SEC14L3: variants seen among roughly 807,000 people sequenced by gnomAD.
The protein encoded by SEC14L3 is SEC14-like protein 3.
A neutral mutation model predicts 57.4 loss-of-function variants in SEC14L3; 56 were observed. That is an observed-to-expected ratio of 0.97 (90% confidence interval 0.79 to 1.22). The LOEUF is 1.22. Ranked by LOEUF, SEC14L3 falls within the 50% of genes most tolerant of loss-of-function variation. The pLI, the probability that SEC14L3 is intolerant of heterozygous loss-of-function variation, is 0.00. For synonymous variants in SEC14L3, 173 were observed against 194.4 expected, an observed-to-expected ratio of 0.89 and a Z score of 0.92; for missense variants, 485 against 511.7, an observed-to-expected ratio of 0.95 and a Z score of 0.50.
chr22:30,461,671 G>T lies in SEC14L3; in HGVS notation c.795C>A (p.Pro265=). 1 of 1,607,674 alleles carries T rather than the reference G, an allele frequency of 6.2e-7. No homozygotes were observed. Among genetic ancestry groups the T allele is most frequent in the East Asian group, 2.2e-5 (1 of 44,716 alleles). The change falls in exon 10 of 12, where the codon CCC becomes CCA. Residue 265 remains proline, a synonymous_variant. Transcript: ENST00000215812. ...LTKINYGGEI[P]KSMYVRDQVK... ...CCTGGTCCCGCACGTACATGGACTT[G>T]GGGATCTCCCCGCCATAGTTAATCT... is the stretch of plus-strand genomic sequence containing the variant.
In SEC14L3 at chr22:30,466,371, A is replaced by G; in HGVS notation, c.543T>C (p.Asn181=). ...YQEFFGLLEE[N]YPETLKFMLI... is the part of the protein sequence containing the mutation. The stretch of plus-strand genomic sequence containing the variant: ...GCATGAACTTCAGGGTCTCTGGGTA[A>G]TTCTCTTCAAGGAGGCCAAAGAACT... Residue 181 remains asparagine (N), a synonymous_variant, in exon 7 of 12, where the codon AAT becomes AAC. Coordinates refer to ENST00000215812, the MANE Select transcript of SEC14L3 (RefSeq NM_174975.5). 1 of 1,614,118 alleles carries G rather than the reference A, an allele frequency of 6.2e-7. No homozygotes were observed. The highest frequency in any genetic ancestry group is 8.5e-7 in the Non-Finnish European group (1 of 1,179,992).
chr22:30,464,771 C>T, intron 8 of SEC14L3, 49 bp downstream of exon 8: 1 of 1,577,968 alleles, frequency 6.3e-7, no homozygotes, highest in Non-Finnish European at 8.7e-7. Context: ...GACAACCTCA[C>T]TCCAAAGGTC....
chr22:30,454,673 T>A (rs189533840), downstream of SEC14L3, among the ~76,000 whole-genome samples: 1,019 of 102,262 alleles, frequency 1.0e-2, 30 homozygotes, highest in East Asian at 0.062. Context: ...TAATCTATAA[T>A]ATTATTATAT....
downstream of SEC14L3, among the ~76,000 whole-genome samples, chr22:30,458,149 C>T (rs550206158): frequency 4.6e-5 from 7 of 152,286 alleles, no homozygotes; most frequent in South Asian, 8.3e-4. Context: ...GGGTGTGATC[C>T]GGCTCCCCTG....
intron 11 of SEC14L3, 31 bp from the exon 12 acceptor site, chr22:30,460,173 G>T: frequency 6.2e-7 from 1 of 1,611,196 alleles, no homozygotes; most frequent in Non-Finnish European, 8.5e-7. Flanking sequence ...GGGGCATTGG[G>T]CTTGGCTTTA....
chr22:30,449,806 C>T (rs1467532951), intron 12 of SEC14L3, among the ~76,000 whole-genome samples: 3 of 152,280 alleles, frequency 2.0e-5, no homozygotes, highest in East Asian at 3.9e-4. Flanking sequence ...CTCAGGTGAT[C>T]CACCTGCCTT....
At chr22:30,466,199 G>A in intron 7 of SEC14L3, 135 bp downstream of exon 7, 2 of 733,984 alleles carry the variant, frequency 2.7e-6, no homozygotes, top group Non-Finnish European at 4.7e-6. Flanking sequence ...TCTATGCCAG[G>A]CATTCTAAGT....
At chr22:30,453,075 G>T (rs766880984) in intron 12 of SEC14L3, among the ~76,000 whole-genome samples, 8 of 151,960 alleles carry the variant, frequency 5.3e-5, no homozygotes, top group Non-Finnish European at 8.8e-5. Flanking sequence ...TAGCACACTG[G>T]GCAGTGAGCC....
downstream of SEC14L3, among the ~76,000 whole-genome samples, chr22:30,454,629 T>TA (rs1935054927): frequency 9.8e-6 from 1 of 101,788 alleles, no homozygotes; most frequent in Non-Finnish European, 1.9e-5. Context: ...TAATCTATAA[T>TA]ATTATTAGAT....
Position 30,461,535 on chromosome 22 carries a change from G to C in SEC14L3, c.911+20C>G. ...CTGCTCAGCCTGATGGGTCTCTGAG[G>C]GGTTAGGGCCTGCCCCTACCTGAGA... On this transcript the variant is annotated intron_variant, in intron 10 of 11. Transcript: ENST00000215812. 1 of 1,614,132 alleles carries C rather than the reference G, an allele frequency of 6.2e-7. No individual in the cohort carries two copies. Among genetic ancestry groups the C allele is most frequent in the Non-Finnish European group, 8.5e-7 (1 of 1,180,028 alleles).
At chr22:30,458,484 C>A (rs1935157802), downstream of SEC14L3, among the ~76,000 whole-genome samples, 1 of 152,176 alleles carries the variant, frequency 6.6e-6, no homozygotes, top group Non-Finnish European at 1.5e-5. Flanking sequence ...ACTGGAAGGT[C>A]TAGAACAAAT....
At chr22:30,448,853 C>T in exon 13 of SEC14L3, 1 of 498,844 alleles carries the variant, frequency 2.0e-6, no homozygotes, top group South Asian at 2.7e-5. Flanking sequence ...GATCGCACCA[C>T]TGCACTCCAG....
At chr22:30,465,037 C>A (rs1239091583) in intron 7 of SEC14L3, 134 bp from the exon 8 acceptor site, 3 of 1,353,220 alleles carry the variant, frequency 2.2e-6, no homozygotes, top group Non-Finnish European at 3.0e-6. Flanking sequence ...CTGCACCCAA[C>A]AAACCATCCA....
chr22:30,466,548 C>A, intron 6 of SEC14L3, 154 bp from the exon 7 acceptor site: 1 of 253,310 alleles, frequency 3.9e-6, no homozygotes, highest in Non-Finnish European at 6.2e-6. Context: ...ACCTTCTCAC[C>A]TCATACTATT....
chr22:30,462,370 G>T, intron 8 of SEC14L3, 178 bp from the exon 9 acceptor site: 1 of 553,358 alleles, frequency 1.8e-6, no homozygotes, highest in Non-Finnish European at 2.3e-6. Context: ...GCATTGTGTT[G>T]CTGTGGAAAT....
Position 30,470,232 on chromosome 22 carries a change from A to G in SEC14L3, c.154T>C (p.Ser52Pro), listed in dbSNP as rs372246409. ...CTCACCTTGCGGAGCAAAGCCTCCGACTTCTGCAAGTCAAAATTCCGAGCT... is the reference window on the plus strand; with the variant it reads ...CTCACCTTGCGGAGCAAAGCCTCCGGCTTCTGCAAGTCAAAATTCCGAGCT... ...LRARNFDLQK[S>P]EALLRKYMEF... The change falls in exon 3 of 12, where the codon TCG (serine) becomes CCG (proline). Residue 52 changes from serine (S) to proline (P), a missense_variant. Coordinates refer to ENST00000215812, the MANE Select transcript of SEC14L3 (RefSeq NM_174975.5). 41 of 1,613,714 alleles carry G rather than the reference A, an allele frequency of 2.5e-5. No individual in the cohort carries two copies. The African/African-American group carries it at 4.7e-4, about 18-fold the overall frequency.
downstream of SEC14L3, among the ~76,000 whole-genome samples, chr22:30,455,994 A>G (rs933000901): frequency 7.2e-5 from 11 of 152,276 alleles, no homozygotes; most frequent in African/African-American, 2.6e-4. Context: ...GGGCTGTGTT[A>G]GTCCATTTTG....
At chr22:30,470,353 C>G in intron 2 of SEC14L3, 98 bp from the exon 3 acceptor site, 1 of 1,588,162 alleles carries the variant, frequency 6.3e-7, no homozygotes, top group South Asian at 1.1e-5. Context: ...CTGGGTGAGA[C>G]CTTGCTCCCC....
chr22:30,471,156 A>G (rs1398572077), intron 1 of SEC14L3: 3 of 362,384 alleles, frequency 8.3e-6, no homozygotes, highest in African/African-American at 6.5e-5. Context: ...GTGGTGGCAC[A>G]TGCCTGTAAT....
Sources: gnomAD v4.1 joint callset for allele counts (sites outside exome capture counted in the v4.1 genomes callset) on GRCh38, gnomAD v4.1.1 for gene constraint, MANE v1.5 for transcripts, NCBI Gene and HGNC (gene_info 2026-07-23, HGNC 2026-07-21) for gene names.